LTN1: variants seen among roughly 807,000 people sequenced by gnomAD.
LTN1 encodes E3 ubiquitin-protein ligase listerin.
LTN1 carries 88 observed loss-of-function variants against 201.2 expected under a neutral mutation model. That is an observed-to-expected ratio of 0.44 (90% CI 0.37 to 0.52). The LOEUF is 0.52. Among genes scored for constraint, LTN1 ranks in the 20% least tolerant of loss-of-function variants. The pLI, the probability that LTN1 is intolerant of heterozygous loss-of-function variation, is 0.00. For missense variants in LTN1, 1,752 were observed against 2,038.7 expected, an observed-to-expected ratio of 0.86 and a Z score of 2.71; for synonymous variants, 645 against 713.5, an observed-to-expected ratio of 0.90 and a Z score of 1.53.
At chr21:28,982,497 C>G (rs1309232201) in intron 4 of LTN1, 129 bp from the exon 5 acceptor site, 1 of 672,854 alleles carries the variant, frequency 1.5e-6, no homozygotes, top group African/African-American at 1.8e-5. Flanking sequence ...AGAGCAGAAT[C>G]AAATAGCAAA....
Position 28,971,419 on chromosome 21 carries a change from A to T in LTN1, c.836T>A (p.Val279Asp). The change falls in exon 7 of 30, where the codon GTC becomes GAC. Residue 279 changes from valine to aspartate, a missense_variant. Transcript: ENST00000361371. Reference sequence around the variant, plus strand: ...TGGAATGCGCTGGCACAATGCAGAGACTAACTCAAAATAAGCTGAGCGAAT... The same window carrying T: ...TGGAATGCGCTGGCACAATGCAGAGTCTAACTCAAAATAAGCTGAGCGAAT... ...PQIRSAYFEL[V>D]SALCQRIPQL... 12 of 1,613,958 alleles carry T rather than the reference A, an allele frequency of 7.4e-6. No individual in the cohort carries two copies. The highest frequency in any genetic ancestry group is 1.0e-5 in the Non-Finnish European group (12 of 1,179,918).
At position 28,958,501 on chromosome 21, in the gene LTN1, CAG is replaced by C; in HGVS notation, c.2630_2631del (p.Ser877TrpfsTer10). ...LICKLKNTWL[S>X]GVNLLVHQTD... ...GTTTGATGAACCAATAAATTTACAC[CAG>C]AGAGCCAAGTATTTTTCAGTTTACA... is the stretch of plus-strand genomic sequence containing the variant. On this transcript the variant is annotated frameshift_variant, in exon 14 of 30. Coordinates refer to ENST00000361371, the MANE Select transcript of LTN1 (RefSeq NM_015565.3). LOFTEE classifies it high-confidence loss of function. 1 of 1,608,664 alleles carries C rather than the reference CAG, an allele frequency of 6.2e-7. No homozygotes were observed. Among genetic ancestry groups the C allele is most frequent in the Non-Finnish European group, 8.5e-7 (1 of 1,177,914 alleles).
chr21:28,966,871 T>C lies in LTN1; in HGVS notation c.1620A>G (p.Arg540=), dbSNP rs1299059140. 6.2e-7 allele frequency: 1 copy of C among 1,612,320 alleles called. No individual in the cohort carries two copies. The change falls in exon 10 of 30, where the codon AGA becomes AGG. Residue 540 remains arginine, a synonymous_variant. Transcript: ENST00000361371. The part of the protein sequence containing the change: ...KSSKKKNGKV[R]FADEILESNK... ...TGCTTTCAAGTATCTCATCAGCAAA[T>C]CTAACCTTACCATTTTTTTTTTTAC...
In LTN1 at chr21:28,966,423, G is replaced by A. The variant is rs760602588; in HGVS notation, c.2068C>T (p.Arg690Trp). 2.2e-5 allele frequency: 35 copies of A among 1,613,854 alleles called. No individual in the cohort carries two copies. The highest frequency in any genetic ancestry group is 3.3e-5 in the Admixed American group (2 of 59,960). Residue 690 changes from arginine (R) to tryptophan (W), a missense_variant, in exon 10 of 30, where the codon CGG (arginine) becomes TGG (tryptophan). Arg to Trp is a moderately radical substitution (Grantham distance 101). Transcript: ENST00000361371. ...CTTTCCATATCATTGTCACAGCACC[G>A]GAGAGCACTGTACAAAATGTCCACC... The part of the protein sequence containing the change: ...FLVDILYSAL[R>W]CCDNDMERKK...
chr21:28,956,719 C>A, intron 16 of LTN1, 43 bp downstream of exon 16: 1 of 957,004 alleles, frequency 1.0e-6, no homozygotes. Context: ...AAATTATATT[C>A]ATTCATGCAT....
Position 28,931,068 on chromosome 21 carries a change from T to G in LTN1, c.5238+87A>C, listed in dbSNP as rs200190604. 8.7e-3 allele frequency: 925 copies of G among 106,188 alleles called. 1 individual carries two copies. Among genetic ancestry groups the G allele is most frequent in the Middle Eastern group, 0.023 (9 of 386 alleles). The allele number at this position is 106,188 out of a possible 1,614,324, so 6.6% of individuals were successfully genotyped here. A position where few individuals can be genotyped will look rare whatever the true frequency, so the allele number is the denominator to read the frequency against. On this transcript the variant is annotated intron_variant, in intron 29 of 29. Coordinates refer to ENST00000361371, the MANE Select transcript of LTN1 (RefSeq NM_015565.3). ...CTTCCGAAGTTAGACATTGTGTAGG[T>G]GTGTGTGTGTGTGTGTGTGTGTGTG...
At chr21:28,947,848 T>C (rs2084350804) in intron 18 of LTN1, among the ~76,000 whole-genome samples, 1 of 151,688 alleles carries the variant, frequency 6.6e-6, no homozygotes, top group Non-Finnish European at 1.5e-5. Flanking sequence ...CCATATATGA[T>C]TTTTTAAAAT....
chr21:28,985,142 G>T, intron 3 of LTN1, among the ~76,000 whole-genome samples: 1 of 151,968 alleles, frequency 6.6e-6, no homozygotes, highest in East Asian at 1.9e-4. Flanking sequence ...AATGAGATAG[G>T]ATTGTATTCA....
At chr21:28,967,257 C>T in intron 9 of LTN1, 78 bp from the exon 10 acceptor site, 2 of 999,630 alleles carry the variant, frequency 2.0e-6, no homozygotes, top group Non-Finnish European at 2.9e-6. Flanking sequence ...CTCTAAAATC[C>T]TTGGAATCTC....
chr21:28,942,312 T>A (rs2084303380), intron 24 of LTN1, among the ~76,000 whole-genome samples: 1 of 152,198 alleles, frequency 6.6e-6, no homozygotes. Context: ...TTATTTAACT[T>A]CTGCAATCAG....
chr21:28,943,563 C>A (rs1343984956), intron 23 of LTN1, 104 bp downstream of exon 23: 1 of 897,490 alleles, frequency 1.1e-6, no homozygotes, highest in African/African-American at 1.7e-5. Context: ...AGTCAGATCT[C>A]CTTCTTTTAA....
intron 6 of LTN1, among the ~76,000 whole-genome samples, chr21:28,974,200 A>C (rs1048398892): frequency 2.0e-5 from 3 of 152,226 alleles, no homozygotes; most frequent in Non-Finnish European, 4.4e-5. Flanking sequence ...TCAAAATTAA[A>C]ACATCTACTC....
chr21:28,931,091 G>T, intron 29 of LTN1, 64 bp downstream of exon 29: 1 of 920,452 alleles, frequency 1.1e-6, no homozygotes, highest in Non-Finnish European at 1.7e-6. Context: ...GTGTGTGTGT[G>T]TGTGTGTGTT....
In LTN1 at chr21:28,967,044, A is replaced by C. The variant is rs774798627; in HGVS notation, c.1447T>G (p.Leu483Val). 1.2e-6 allele frequency: 2 copies of C among 1,614,096 alleles called. No homozygotes were observed. Among genetic ancestry groups the C allele is most frequent in the East Asian group, 2.2e-5 (1 of 44,880 alleles). Reference protein sequence around the residue: ...TEKDEKTAHNLENVLIHFWER... With the variant: ...TEKDEKTAHNVENVLIHFWER... Reference sequence around the variant, plus strand: ...CAGAAATGTATCAGTACGTTCTCCAAGTTGTGAGCTGTTTTTTCATCTTTT... The same window carrying C: ...CAGAAATGTATCAGTACGTTCTCCACGTTGTGAGCTGTTTTTTCATCTTTT... The change falls in exon 10 of 30, where the codon TTG becomes GTG. Residue 483 changes from leucine to valine, a missense_variant. Around this residue, in one of 3 missense-constraint regions of LTN1, gnomAD observed 1,211 missense variants for 1,312.8 expected, o/e 0.92. Coordinates refer to ENST00000361371, the MANE Select transcript of LTN1 (RefSeq NM_015565.3).
intron 20 of LTN1, 55 bp downstream of exon 20, chr21:28,946,096 TA>T: frequency 6.7e-7 from 1 of 1,497,640 alleles, no homozygotes; most frequent in Non-Finnish European, 9.1e-7. Context: ...CACAGATACG[TA>T]ATCTTTGTCT....
rs754322551 is a variant in LTN1, at chr21:28,966,699, C to A, written c.1792G>T (p.Ala598Ser). 8 of 1,613,888 alleles carry A rather than the reference C, an allele frequency of 5.0e-6. No homozygotes were observed. The highest frequency in any genetic ancestry group is 2.2e-5 in the South Asian group (2 of 91,052). Residue 598 changes from alanine (A) to serine (S), a missense_variant, in exon 10 of 30, where the codon GCA (alanine) becomes TCA (serine). Transcript: ENST00000361371. ...KPLEDLVCKL[A>S]DISINYVNER... is the part of the protein sequence containing the mutation. ...TTGACATAATTAATACTTATATCTGCGAGTTTACAGACTAAGTCTTCCAAA... is the reference window on the plus strand; with the variant it reads ...TTGACATAATTAATACTTATATCTGAGAGTTTACAGACTAAGTCTTCCAAA...
chr21:28,984,665 T>A (rs75007458), intron 4 of LTN1, 27 bp downstream of exon 4: 142 of 1,492,570 alleles, frequency 9.5e-5, no homozygotes, highest in Middle Eastern at 1.8e-4. Context: ...AAAAAAAAAA[T>A]AGATTCAGAA....
chr21:28,988,062 G>C (rs1241746097), intron 1 of LTN1, among the ~76,000 whole-genome samples: 2 of 146,932 alleles, frequency 1.4e-5, no homozygotes, highest in Non-Finnish European at 3.0e-5. Flanking sequence ...AGAATCGCTT[G>C]AACCGGAAGG....
intron 11 of LTN1, among the ~76,000 whole-genome samples, chr21:28,964,282 A>C (rs1601193547): frequency 6.6e-6 from 1 of 152,324 alleles, no homozygotes; most frequent in South Asian, 2.1e-4. Context: ...TTATTTTAAG[A>C]AATTGTCACA....
Sources: allele counts gnomAD v4.1 joint callset (sites outside exome capture counted in the v4.1 genomes callset), GRCh38; gene constraint gnomAD v4.1.1; regional missense constraint gnomAD v4.1.1; transcripts MANE v1.5; gene names NCBI Gene and HGNC (gene_info 2026-07-23, HGNC 2026-07-21).